Variants in SCN9A observed in about 807,000 individuals in gnomAD.
SCN9A encodes the protein sodium voltage-gated channel alpha subunit 9.
Under a neutral mutation model 187.0 loss-of-function variants are expected in SCN9A, and 131 were observed. That is an observed-to-expected ratio of 0.70 (90% CI 0.61 to 0.81). The LOEUF is 0.81. SCN9A is among the 30% of genes least tolerant of loss of function. SCN9A has a pLI of 0.00. For synonymous variants in SCN9A, 809 were observed against 808.6 expected, an observed-to-expected ratio of 1.00 and a Z score of -0.01; for missense variants, 2,252 against 2,396.6, an observed-to-expected ratio of 0.94 and a Z score of 1.26.
At chr2:166,300,781 G>A (rs1698519035) in intron 7 of SCN9A, 1 of 150,886 alleles carries the variant, frequency 6.6e-6, no homozygotes, top group Non-Finnish European at 1.5e-5. Flanking sequence ...AAAGAATAAT[G>A]TACAGATTTG....
intron 18 of SCN9A, among the ~76,000 whole-genome samples, chr2:166,245,194 A>G (rs577936307): frequency 6.6e-6 from 1 of 152,184 alleles, no homozygotes; most frequent in South Asian, 2.1e-4. Context: ...AAGTTTGGCA[A>G]AGTTCAAAAA....
intron 21 of SCN9A, among the ~76,000 whole-genome samples, chr2:166,230,025 A>C (rs1187957851): frequency 2.6e-5 from 4 of 152,188 alleles, no homozygotes; most frequent in African/African-American, 7.2e-5. Context: ...AATACTAAGG[A>C]TCTCTGACTA....
At chr2:166,232,530 C>T (rs73017585) in intron 21 of SCN9A, among the ~76,000 whole-genome samples, 4,134 of 152,038 alleles carry the variant, frequency 0.027, 180 homozygotes, top group African/African-American at 0.093. Flanking sequence ...TAAGTAGGTC[C>T]TTGATTACTT....
chr2:166,360,622 T>G (rs950688634), intron 1 of SCN9A, among the ~76,000 whole-genome samples: 1 of 152,224 alleles, frequency 6.6e-6, no homozygotes, highest in African/African-American at 2.4e-5. Flanking sequence ...AGACTTAGGT[T>G]TGAATTTCCT....
At chr2:166,281,607 C>T (rs1697490500) in intron 13 of SCN9A, 72 bp downstream of exon 13, 7 of 1,385,042 alleles carry the variant, frequency 5.1e-6, no homozygotes, top group Non-Finnish European at 6.9e-6. Context: ...TTTCATGTGC[C>T]TATTTAAGGT....
chr2:166,313,122 ATAAT>A (rs1049683852), intron 1 of SCN9A, among the ~76,000 whole-genome samples: 6 of 149,630 alleles, frequency 4.0e-5, no homozygotes, highest in South Asian at 2.1e-4. Flanking sequence ...AGTAAATAAT[ATAAT>A]TATTATGTAA....
chr2:166,321,887 T>A (rs546799753), intron 1 of SCN9A, among the ~76,000 whole-genome samples: 1 of 150,218 alleles, frequency 6.7e-6, no homozygotes, highest in African/African-American at 2.4e-5. Context: ...TACTCACTCA[T>A]CCCTCATCCT....
Position 166,288,463 on chromosome 2 carries a change from G to T in SCN9A, c.1288C>A (p.Leu430Ile). The T allele has an allele frequency of 6.2e-7, 1 of 1,610,586 alleles. No individual in the cohort carries two copies. The highest frequency in any genetic ancestry group is 8.5e-7 in the Non-Finnish European group (1 of 1,177,776). The change falls in exon 10 of 27, where the codon CTT becomes ATT. Residue 430 changes from leucine (L) to isoleucine (I), a missense_variant. By Grantham distance (5) the Leu-to-Ile change is conservative. Transcript: ENST00000642356. ...ELEFQQMLDR[L>I]KKEQEEAEAI... Reference sequence around the variant, plus strand: ...TCAGCTTCTTCTTGCTCTTTTTTAAGACGGTCTAACATCTGTTGAAATTCT... The same window carrying T: ...TCAGCTTCTTCTTGCTCTTTTTTAATACGGTCTAACATCTGTTGAAATTCT...
intron 20 of SCN9A, among the ~76,000 whole-genome samples, chr2:166,236,675 G>A (rs188706645): frequency 1.3e-5 from 2 of 152,026 alleles, no homozygotes; most frequent in African/African-American, 4.8e-5. Context: ...CACCTGCCTC[G>A]GACTCTCAAA....
intron 12 of SCN9A, among the ~76,000 whole-genome samples, chr2:166,282,809 T>A: frequency 6.6e-6 from 1 of 152,140 alleles, no homozygotes; most frequent in East Asian, 1.9e-4. Context: ...ACACACCCAT[T>A]TGAGAGATCT....
intron 1 of SCN9A, among the ~76,000 whole-genome samples, chr2:166,331,878 T>C (rs1476489869): frequency 1.3e-5 from 2 of 152,210 alleles, no homozygotes; most frequent in African/African-American, 4.8e-5. Flanking sequence ...AAGAATGTCA[T>C]ATGATATGAC....
chr2:166,306,427 A>G (rs1018919883), intron 4 of SCN9A, 83 bp downstream of exon 4: 4 of 805,650 alleles, frequency 5.0e-6, no homozygotes, highest in Non-Finnish European at 6.4e-6. Flanking sequence ...CATCTTCATA[A>G]ATGCAGTAAC....
Position 166,222,942 on chromosome 2 carries a change from C to CAAAAAAAAA in SCN9A, c.4398+3624_4398+3625insTTTTTTTTT, listed in dbSNP as rs1558960810. 1.1e-4 allele frequency among the ~76,000 whole-genome samples: 6 copies of CAAAAAAAAA among 55,294 alleles called. 1 individual carries two copies. Among genetic ancestry groups the CAAAAAAAAA allele is most frequent in the African/African-American group, 3.2e-4 (4 of 12,426 alleles). The allele number at this position is 55,294 out of a possible 152,430, so 36.3% of individuals were successfully genotyped here. A position where few individuals can be genotyped will look rare whatever the true frequency, so the allele number is the denominator to read the frequency against. On this transcript the variant is annotated intron_variant, in intron 24 of 26. Coordinates refer to ENST00000642356, the MANE Select transcript of SCN9A (RefSeq NM_001365536.1). ...CGAAACTCCGTCTCAAAAAAAAAAACAACAAAAAAAAAAAAAAAAAAAAAA... is the reference window on the plus strand; with the variant it reads ...CGAAACTCCGTCTCAAAAAAAAAAACAAAAAAAAAAACAAAAAAAAAAAAAAAAAAAAAA...
chr2:166,206,818 C>T (rs1297373315), intron 24 of SCN9A, among the ~76,000 whole-genome samples: 1 of 151,900 alleles, frequency 6.6e-6, no homozygotes, highest in Non-Finnish European at 1.5e-5. Flanking sequence ...CTTTGACTAC[C>T]TTTTTAATTC....
At chr2:166,332,370 C>G (rs983440131) in intron 1 of SCN9A, among the ~76,000 whole-genome samples, 8 of 152,162 alleles carry the variant, frequency 5.3e-5, no homozygotes, top group Non-Finnish European at 8.8e-5. Flanking sequence ...TGGCTTGGGA[C>G]AGCCAGTGTT....
chr2:166,225,571 T>C (rs1323948477), intron 24 of SCN9A, among the ~76,000 whole-genome samples: 1 of 150,570 alleles, frequency 6.6e-6, no homozygotes, highest in Non-Finnish European at 1.5e-5. Context: ...GACTCTGTAA[T>C]AATACTTTTG....
intron 9 of SCN9A, among the ~76,000 whole-genome samples, chr2:166,289,728 C>G (rs1212021052): frequency 6.6e-6 from 1 of 151,828 alleles, no homozygotes; most frequent in Non-Finnish European, 1.5e-5. Flanking sequence ...CACTGTCTTC[C>G]ACACTGGTTG....
At chr2:166,265,567 C>G (rs1446428757) in intron 17 of SCN9A, among the ~76,000 whole-genome samples, 1 of 151,854 alleles carries the variant, frequency 6.6e-6, no homozygotes, top group Non-Finnish European at 1.5e-5. Flanking sequence ...TTCATTTCAT[C>G]TGGATATTTA....
chr2:166,226,802 G>T (rs2106383665), intron 23 of SCN9A, 98 bp from the exon 24 acceptor site: 5 of 779,776 alleles, frequency 6.4e-6, no homozygotes, highest in Non-Finnish European at 7.6e-6. Flanking sequence ...TGCTATCCTA[G>T]GTAAACATAG....
Sources: gnomAD v4.1 joint callset for allele counts (sites outside exome capture counted in the v4.1 genomes callset) on GRCh38, gnomAD v4.1.1 for gene constraint, MANE v1.5 for transcripts, NCBI Gene and HGNC (gene_info 2026-07-23, HGNC 2026-07-21) for gene names.